The following ASCC3 variants were observed in gnomAD, a reference collection of about 807,000 sequenced individuals.
ASCC3 encodes ASC-1 complex subunit P200.
A neutral mutation model predicts 256.3 loss-of-function variants in ASCC3; 158 were observed. That is an observed-to-expected ratio of 0.62 (90% CI 0.54 to 0.70). The LOEUF is 0.70. ASCC3 is among the 30% of genes least tolerant of loss of function. ASCC3 has a pLI of 0.00. For synonymous variants in ASCC3, 948 were observed against 883.4 expected, an observed-to-expected ratio of 1.07 and a Z score of -1.30; for missense variants, 2,259 against 2,626.0, an observed-to-expected ratio of 0.86 and a Z score of 3.05.
intron 3 of ASCC3, among the ~76,000 whole-genome samples, chr6:100,852,684 T>C (rs1363173585): frequency 1.3e-5 from 2 of 152,158 alleles, no homozygotes; most frequent in African/African-American, 4.8e-5. Context: ...ACTAATCAAC[T>C]GACGAAAAGT....
intron 39 of ASCC3, 101 bp from the exon 40 acceptor site, chr6:100,513,019 T>A (rs1290705728): frequency 1.9e-6 from 2 of 1,031,532 alleles, no homozygotes; most frequent in Admixed American, 2.1e-5. Context: ...AACCTTTTAA[T>A]GTTGAGATTA....
chr6:100,601,620 T>G (rs1350042713), intron 34 of ASCC3, among the ~76,000 whole-genome samples, 190 bp downstream of exon 34: 2 of 152,078 alleles, frequency 1.3e-5, no homozygotes, highest in Admixed American at 6.6e-5. Flanking sequence ...AAGTAACAAA[T>G]GCATATAATT....
intron 16 of ASCC3, among the ~76,000 whole-genome samples, chr6:100,660,186 T>C (rs1394948721): frequency 2.0e-5 from 3 of 151,636 alleles, no homozygotes; most frequent in East Asian, 1.9e-4. Flanking sequence ...ATCTAAGCTA[T>C]AATGAAAAGT....
intron 36 of ASCC3, among the ~76,000 whole-genome samples, chr6:100,542,296 T>C (rs1051606326): frequency 3.9e-5 from 6 of 152,192 alleles, no homozygotes; most frequent in African/African-American, 1.4e-4. Flanking sequence ...CACTATGTTA[T>C]GTACAGTGGA....
chr6:100,517,895 T>A (rs780283854), intron 38 of ASCC3, 96 bp downstream of exon 38: 352 of 1,314,432 alleles, frequency 2.7e-4, no homozygotes, highest in Non-Finnish European at 3.5e-4. Flanking sequence ...CAATAATCAG[T>A]ATTCTCCATA....
intron 8 of ASCC3, among the ~76,000 whole-genome samples, chr6:100,792,059 T>C (rs9390693): frequency 0.39 from 59,226 of 151,674 alleles, 12,844 homozygotes; most frequent in Middle Eastern, 0.56. Context: ...TATAACATAA[T>C]AGTATATGTT....
intron 4 of ASCC3, among the ~76,000 whole-genome samples, chr6:100,823,945 C>A (rs1771174260): frequency 1.3e-5 from 2 of 152,068 alleles, no homozygotes; most frequent in Admixed American, 1.3e-4. Context: ...ACAGATATCA[C>A]CACAAATACA....
At chr6:100,570,546 C>T (rs1319990470) in intron 36 of ASCC3, among the ~76,000 whole-genome samples, 4 of 152,164 alleles carry the variant, frequency 2.6e-5, no homozygotes, top group African/African-American at 9.6e-5. Flanking sequence ...GCTTATTGTT[C>T]CTCACTCCTA....
chr6:100,526,741 T>A (rs923651173), intron 37 of ASCC3, among the ~76,000 whole-genome samples: 4 of 152,186 alleles, frequency 2.6e-5, no homozygotes, highest in African/African-American at 9.6e-5. Flanking sequence ...GGAAGAATAA[T>A]CACTCAGGAT....
At chr6:100,579,574 C>A (rs1487510315) in intron 36 of ASCC3, among the ~76,000 whole-genome samples, 3 of 152,024 alleles carry the variant, frequency 2.0e-5, no homozygotes, top group Non-Finnish European at 4.4e-5. Context: ...CGGCAATTAT[C>A]CCAGCACCAT....
intron 22 of ASCC3, 57 bp from the exon 23 acceptor site, chr6:100,644,186 C>T: frequency 8.8e-7 from 1 of 1,135,564 alleles, no homozygotes; most frequent in Non-Finnish European, 1.3e-6. Context: ...TAAGGGATAG[C>T]ATCCAATCTT....
intron 4 of ASCC3, among the ~76,000 whole-genome samples, chr6:100,820,607 G>T (rs960993315): frequency 3.3e-5 from 5 of 151,710 alleles, no homozygotes; most frequent in Non-Finnish European, 5.9e-5. Context: ...GACATCAACA[G>T]AATGAGCAAC....
chr6:100,582,942 T>G (rs1771393258), intron 36 of ASCC3, among the ~76,000 whole-genome samples: 1 of 152,218 alleles, frequency 6.6e-6, no homozygotes, highest in Admixed American at 6.5e-5. Context: ...GAAGCCCACT[T>G]GATCATGGTG....
chr6:100,621,696 T>C (rs1280542498), intron 30 of ASCC3, among the ~76,000 whole-genome samples: 1 of 152,198 alleles, frequency 6.6e-6, no homozygotes, highest in Non-Finnish European at 1.5e-5. Flanking sequence ...CTCAAGGATC[T>C]AGAGGCAGAA....
At chr6:100,867,887 T>TTCTACCTTTAACAAA in intron 2 of ASCC3, 21 bp downstream of exon 2, 1 of 1,562,596 alleles carries the variant, frequency 6.4e-7, no homozygotes, top group Non-Finnish European at 8.8e-7. Flanking sequence ...TGTTCAACAT[T>TTCTACCTTTAACAAA]TCTACCTTTA....
At chr6:100,859,928 A>G (rs192744935) in intron 3 of ASCC3, among the ~76,000 whole-genome samples, 1 of 152,118 alleles carries the variant, frequency 6.6e-6, no homozygotes, top group East Asian at 1.9e-4. Flanking sequence ...GGACAACTTC[A>G]AACATTCTGT....
At chr6:100,629,307 T>A in intron 26 of ASCC3, 126 bp from the exon 27 acceptor site, 1 of 874,012 alleles carries the variant, frequency 1.1e-6, no homozygotes, top group Non-Finnish European at 1.7e-6. Context: ...TACCTTTGAT[T>A]TTTGAAATTT....
At chr6:100,593,647 C>T (rs184356259) in intron 34 of ASCC3, among the ~76,000 whole-genome samples, 189 of 152,136 alleles carry the variant, frequency 1.2e-3, no homozygotes, top group African/African-American at 4.4e-3. Context: ...AATTTTTCAT[C>T]AGTATTGAAA....
intron 4 of ASCC3, among the ~76,000 whole-genome samples, chr6:100,840,140 A>G (rs1200364829): frequency 1.3e-5 from 2 of 152,222 alleles, no homozygotes; most frequent in African/African-American, 4.8e-5. Flanking sequence ...GAAAATGGGC[A>G]TATCACTTTA....
Sources: gnomAD v4.1 joint callset for allele counts (sites outside exome capture counted in the v4.1 genomes callset) on GRCh38, gnomAD v4.1.1 for gene constraint, MANE v1.5 for transcripts, NCBI Gene and HGNC (gene_info 2026-07-23, HGNC 2026-07-21) for gene names.